The following MPP7 variants were observed in gnomAD, a reference collection of about 807,000 sequenced individuals.
MPP7 encodes MAGUK p55 subfamily member 7.
MPP7 carries 60 observed loss-of-function variants against 76.5 expected under a neutral mutation model. That is an observed-to-expected ratio of 0.78 (90% CI 0.64 to 0.97). The LOEUF (loss-of-function observed/expected upper bound fraction) is 0.97. MPP7 is among the 50% of genes least tolerant of loss of function. The pLI is 0.00. For missense variants in MPP7, 641 were observed against 694.0 expected (o/e 0.92, Z 0.86); for synonymous variants, 237 against 244.5 (o/e 0.97, Z 0.29).
intron 2 of MPP7, among the ~76,000 whole-genome samples, chr10:28,220,143 A>C (rs1838450948): frequency 6.6e-6 from 1 of 152,176 alleles, no homozygotes; most frequent in Non-Finnish European, 1.5e-5. Context: ...TAACAGGGGA[A>C]CATGCATACA....
At chr10:28,108,460 G>C (rs1476892286) in intron 11 of MPP7, among the ~76,000 whole-genome samples, 1 of 152,010 alleles carries the variant, frequency 6.6e-6, no homozygotes, top group Non-Finnish European at 1.5e-5. Context: ...TTTGAGACCA[G>C]CCTGGGCAAC....
intron 5 of MPP7, among the ~76,000 whole-genome samples, chr10:28,134,759 G>T (rs1835303097): frequency 6.6e-6 from 1 of 151,924 alleles, no homozygotes; most frequent in Non-Finnish European, 1.5e-5. Context: ...AAATGGCAAA[G>T]GCAAAGAGAA....
intron 2 of MPP7, among the ~76,000 whole-genome samples, chr10:28,215,406 C>T (rs1358038386): frequency 6.6e-6 from 1 of 151,954 alleles, no homozygotes; most frequent in Non-Finnish European, 1.5e-5. Flanking sequence ...TATCGATAAT[C>T]ATGAAAATAA....
chr10:28,292,073 T>C (rs1014881444), intron 1 of MPP7, among the ~76,000 whole-genome samples: 1 of 152,206 alleles, frequency 6.6e-6, no homozygotes, highest in Non-Finnish European at 1.5e-5. Flanking sequence ...ATACTTTTTC[T>C]ATGTTTACAG....
intron 11 of MPP7, among the ~76,000 whole-genome samples, chr10:28,092,867 A>G (rs1194260290): frequency 2.0e-5 from 3 of 151,444 alleles, no homozygotes; most frequent in African/African-American, 7.3e-5. Context: ...GGCATGAGAC[A>G]CTGAACCCAG....
At chr10:28,272,795 G>A (rs928607767) in intron 1 of MPP7, among the ~76,000 whole-genome samples, 2 of 152,108 alleles carry the variant, frequency 1.3e-5, no homozygotes, top group African/African-American at 4.8e-5. Flanking sequence ...GGAGATGTTG[G>A]AGTCATTTTT....
At chr10:28,247,038 A>G (rs961625524) in intron 1 of MPP7, among the ~76,000 whole-genome samples, 5 of 152,234 alleles carry the variant, frequency 3.3e-5, no homozygotes, top group Non-Finnish European at 7.3e-5. Flanking sequence ...AACATAGCCC[A>G]TTATGACTGA....
At chr10:28,256,268 A>G (rs1428839669) in intron 1 of MPP7, among the ~76,000 whole-genome samples, 1 of 151,436 alleles carries the variant, frequency 6.6e-6, no homozygotes, top group East Asian at 1.9e-4. Flanking sequence ...CTGTAGCTAA[A>G]CCATTAGGAC....
At chr10:28,140,994 G>T (rs1168519616) in intron 5 of MPP7, among the ~76,000 whole-genome samples, 1 of 151,950 alleles carries the variant, frequency 6.6e-6, no homozygotes, top group African/African-American at 2.4e-5. Context: ...TTGGTCTCAG[G>T]ATGATTTTTT....
chr10:28,291,261 A>G (rs1463578831), intron 1 of MPP7, among the ~76,000 whole-genome samples: 1 of 152,206 alleles, frequency 6.6e-6, no homozygotes, highest in Non-Finnish European at 1.5e-5. Context: ...CAAGACCAGG[A>G]AAAGTAGCTC....
At chr10:28,097,132 G>A (rs145897880) in intron 11 of MPP7, among the ~76,000 whole-genome samples, 2 of 152,042 alleles carry the variant, frequency 1.3e-5, no homozygotes, top group Non-Finnish European at 2.9e-5. Context: ...TGGACATACA[G>A]GCACACGCCA....
At chr10:28,083,346 G>A (rs1852851872) in intron 12 of MPP7, among the ~76,000 whole-genome samples, 1 of 152,154 alleles carries the variant, frequency 6.6e-6, no homozygotes, top group South Asian at 2.1e-4. Flanking sequence ...GTACAGTGTC[G>A]TGCTGTACAC....
chr10:28,226,372 G>C (rs749498592), intron 2 of MPP7, among the ~76,000 whole-genome samples: 1 of 152,064 alleles, frequency 6.6e-6, no homozygotes, highest in African/African-American at 2.4e-5. Context: ...TCAGCCTCCT[G>C]AGTAGCTGGA....
chr10:28,205,263 T>C (rs1588922273), intron 2 of MPP7, among the ~76,000 whole-genome samples: 1 of 152,120 alleles, frequency 6.6e-6, no homozygotes, highest in African/African-American at 2.4e-5. Flanking sequence ...TCCACTCAAA[T>C]GAATTATAAG....
At chr10:28,256,810 A>G (rs914761748) in intron 1 of MPP7, among the ~76,000 whole-genome samples, 1 of 152,208 alleles carries the variant, frequency 6.6e-6, no homozygotes, top group Non-Finnish European at 1.5e-5. Flanking sequence ...ATCCATTTAT[A>G]TGAGAATCTG....
chr10:28,265,523 C>T (rs895449348), intron 1 of MPP7, among the ~76,000 whole-genome samples: 2 of 152,092 alleles, frequency 1.3e-5, no homozygotes, highest in Admixed American at 6.6e-5. Context: ...CATGCCACTG[C>T]ACTCCAGCTT....
intron 2 of MPP7, among the ~76,000 whole-genome samples, chr10:28,327,332 A>G (rs1420298817): frequency 6.6e-6 from 1 of 152,028 alleles, no homozygotes; most frequent in Non-Finnish European, 1.5e-5. Context: ...AGCTCGTTTC[A>G]AATTCATTGG....
intron 2 of MPP7, among the ~76,000 whole-genome samples, chr10:28,309,413 C>CA (rs3064166): frequency 0.14 from 18,917 of 130,974 alleles, 1,385 homozygotes; most frequent in Middle Eastern, 0.23. Flanking sequence ...GACTCCATCT[C>CA]AAAAAAAAAA....
chr10:28,170,517 C>T (rs976135782), intron 3 of MPP7, among the ~76,000 whole-genome samples: 1 of 151,708 alleles, frequency 6.6e-6, no homozygotes, highest in Non-Finnish European at 1.5e-5. Context: ...GTTGAGCACA[C>T]ATTAGACTCT....
Sources: gnomAD v4.1 joint callset for allele counts (sites outside exome capture counted in the v4.1 genomes callset) on GRCh38, gnomAD v4.1.1 for gene constraint, MANE v1.5 for transcripts, NCBI Gene and HGNC (gene_info 2026-07-23, HGNC 2026-07-21) for gene names.